TNNT2: variants seen among roughly 807,000 people sequenced by gnomAD.
The protein encoded by TNNT2 is troponin T2, cardiac type, also known as troponin T, cardiac muscle.
Under a neutral mutation model 62.4 loss-of-function variants are expected in TNNT2, and 34 were observed. The ratio of observed to expected loss-of-function variants is 0.54; its 90% CI spans 0.41 to 0.72. TNNT2 has a LOEUF of 0.72. Ranked by LOEUF, TNNT2 falls within the 30% of genes least tolerant of loss-of-function variation. The pLI is 0.00. For missense variants in TNNT2, 275 were observed against 381.9 expected (o/e 0.72, Z 2.33); for synonymous variants, 123 against 127.2 (o/e 0.97, Z 0.22).
intron 9 of TNNT2, 51 bp downstream of exon 9, chr1:201,365,559 C>T: frequency 6.3e-7 from 1 of 1,589,030 alleles, no homozygotes; most frequent in Non-Finnish European, 8.6e-7. Context: ...CACTGAGGGC[C>T]CTTGGGACTA....
intron 14 of TNNT2, 39 bp from the exon 15 acceptor site, chr1:201,361,408 A>T (rs1170274301): frequency 1.9e-6 from 3 of 1,568,202 alleles, no homozygotes; most frequent in Non-Finnish European, 1.8e-6. Context: ...GTCCAGTAAG[A>T]AAGGGCCCTC....
At chr1:201,362,272 C>A (rs929075474) in intron 13 of TNNT2, 114 bp downstream of exon 13, 40 of 1,528,068 alleles carry the variant, frequency 2.6e-5, no homozygotes, top group East Asian at 1.4e-4. Flanking sequence ...CAGCTTCCCC[C>A]CTCCCCAGCC....
At chr1:201,359,764 CAGG>C in intron 15 of TNNT2, 101 bp from the exon 16 acceptor site, 1 of 1,015,254 alleles carries the variant, frequency 9.8e-7, no homozygotes, top group Admixed American at 2.0e-5. Context: ...TGCAGCAGTG[CAGG>C]AGGAGAAGGA....
intron 1 of TNNT2, chr1:201,373,876 G>A (rs1420562904): frequency 6.0e-6 from 1 of 167,326 alleles, no homozygotes; most frequent in Non-Finnish European, 1.3e-5. Flanking sequence ...CCCATTCCAT[G>A]TGTGCTGGAC....
At chr1:201,359,546 G>T in intron 16 of TNNT2, 77 bp downstream of exon 16, 1 of 1,446,896 alleles carries the variant, frequency 6.9e-7, no homozygotes, top group Non-Finnish European at 9.6e-7. Context: ...GGCCCTCCAA[G>T]GAGGAATGGG....
intron 12 of TNNT2, 41 bp from the exon 13 acceptor site, chr1:201,362,435 A>G (rs758841367): frequency 6.2e-7 from 1 of 1,609,528 alleles, no homozygotes; most frequent in Admixed American, 1.7e-5. Flanking sequence ...ATAGAAAAAG[A>G]CCAAGACGGC....
intron 5 of TNNT2, chr1:201,369,245 C>A: frequency 2.1e-6 from 1 of 469,524 alleles, no homozygotes; most frequent in South Asian, 1.6e-5. Context: ...TCAGAACGCA[C>A]TTTCTAAAAT....
intron 5 of TNNT2, chr1:201,368,495 G>A (rs1660092279): frequency 5.4e-6 from 3 of 558,314 alleles, no homozygotes; most frequent in Non-Finnish European, 1.0e-5. Flanking sequence ...CAGCCCAGAA[G>A]TTCCACCCCG....
chr1:201,369,533 G>C (rs1047314998), intron 5 of TNNT2, among the ~76,000 whole-genome samples: 4 of 152,148 alleles, frequency 2.6e-5, no homozygotes, highest in African/African-American at 9.7e-5. Context: ...GCCACATTTG[G>C]AGCAGCTTGG....
In TNNT2 at chr1:201,359,204, C is replaced by T. The variant is rs2102212634; in HGVS notation, c.*6G>A. On this transcript the variant is annotated 3_prime_UTR_variant, in exon 17 of 17. Coordinates refer to ENST00000656932, the MANE Select transcript of TNNT2 (RefSeq NM_001276345.2). ...GGAGCAGATCTTTGGTGAAGGAGGCCAGGCTCTATTTCCAGCGCCCGGTGA... is the reference window on the plus strand; with the variant it reads ...GGAGCAGATCTTTGGTGAAGGAGGCTAGGCTCTATTTCCAGCGCCCGGTGA... The T allele has an allele frequency of 6.2e-7, 1 of 1,608,974 alleles. No homozygotes were observed. Among genetic ancestry groups the T allele is most frequent in the Non-Finnish European group, 8.5e-7 (1 of 1,178,418 alleles).
chr1:201,361,414 C>T, intron 14 of TNNT2, 45 bp from the exon 15 acceptor site: 1 of 1,522,712 alleles, frequency 6.6e-7, no homozygotes, highest in Non-Finnish European at 9.1e-7. Flanking sequence ...TAAGAAAGGG[C>T]CCTCCTGGGC....
intron 4 of TNNT2, 121 bp from the exon 5 acceptor site, chr1:201,369,966 T>C (rs977241636): frequency 1.7e-5 from 19 of 1,101,904 alleles, no homozygotes; most frequent in Middle Eastern, 2.4e-4. Flanking sequence ...GGCTTTGGAG[T>C]TAGGCCGGCA....
chr1:201,372,200 A>G, intron 2 of TNNT2, 45 bp from the exon 3 acceptor site: 1 of 1,613,786 alleles, frequency 6.2e-7, no homozygotes, highest in East Asian at 2.2e-5. Flanking sequence ...ACACAAGCAC[A>G]TGCAAACACA....
chr1:201,359,577 GA>G, intron 16 of TNNT2, 45 bp downstream of exon 16: 1 of 1,562,892 alleles, frequency 6.4e-7, no homozygotes, highest in Non-Finnish European at 8.7e-7. Flanking sequence ...GGTAGGGAAG[GA>G]GGGGGCAGGG....
chr1:201,377,339 C>T (rs1330619674), intron 1 of TNNT2, among the ~76,000 whole-genome samples: 1 of 152,162 alleles, frequency 6.6e-6, no homozygotes, highest in Non-Finnish European at 1.5e-5. Context: ...GGGAAAGTGA[C>T]TCATCCAAGA....
In TNNT2 at chr1:201,363,411, T is replaced by A. The variant is rs746840411; in HGVS notation, c.490-5A>T. 6.2e-7 allele frequency: 1 copy of A among 1,613,872 alleles called. No homozygotes were observed. The highest frequency in any genetic ancestry group is 8.5e-7 in the Non-Finnish European group (1 of 1,179,778). On this transcript the variant is annotated splice_polypyrimidine_tract_variant and splice_region_variant and intron_variant, in intron 11 of 16. Coordinates refer to ENST00000656932, the MANE Select transcript of TNNT2 (RefSeq NM_001276345.2). ...CTCTCGTCGAGCCCTCTCTTCCTGA[T>A]TTACAGCAGGGAGGAAGAAAGCAAA...
rs75295833 is a variant in TNNT2, at chr1:201,371,424, T to C, written c.67+603A>G. ...AATCTTCATGCCGAGATAAGACGTCTCAGATCACTGAGCAATTTCATACTC... is the reference window on the plus strand; with the variant it reads ...AATCTTCATGCCGAGATAAGACGTCCCAGATCACTGAGCAATTTCATACTC... On this transcript the variant is annotated intron_variant, in intron 4 of 16. Coordinates refer to ENST00000656932, the MANE Select transcript of TNNT2 (RefSeq NM_001276345.2). 9.9e-3 allele frequency among the ~76,000 whole-genome samples: 1,508 copies of C among 152,328 alleles called. 24 individuals carry two copies. Among genetic ancestry groups the C allele is most frequent in the African/African-American group, 0.034 (1,429 of 41,578 alleles).
intron 10 of TNNT2, 34 bp from the exon 11 acceptor site, chr1:201,364,409 C>T (rs1188403049): frequency 6.2e-7 from 1 of 1,606,014 alleles, no homozygotes; most frequent in South Asian, 1.1e-5. Context: ...CCCAGGTGTG[C>T]ATAGGGAGAA....
At chr1:201,364,501 T>A in intron 10 of TNNT2, 126 bp from the exon 11 acceptor site, 1 of 1,018,922 alleles carries the variant, frequency 9.8e-7, no homozygotes, top group Non-Finnish European at 1.5e-6. Context: ...CTTGAAGCAA[T>A]GGTGCCCGGC....
Sources: gnomAD v4.1 joint callset for allele counts (sites outside exome capture counted in the v4.1 genomes callset) on GRCh38, gnomAD v4.1.1 for gene constraint, MANE v1.5 for transcripts, NCBI Gene and HGNC (gene_info 2026-07-23, HGNC 2026-07-21) for gene names.